Variants in NSUN7 observed in about 807,000 individuals in gnomAD.
The protein encoded by NSUN7 is protein NSUN7.
In NSUN7, 39 loss-of-function variants were observed where a neutral mutation model predicts 58.5. The ratio of observed to expected loss-of-function variants is 0.67; its 90% confidence interval spans 0.52 to 0.87. The LOEUF (loss-of-function observed/expected upper bound fraction) is 0.87, where lower values mean the gene tolerates loss of function less well. NSUN7 is among the 40% of genes least tolerant of loss of function. NSUN7 has a pLI of 0.00. For missense variants in NSUN7, 765 were observed against 844.1 expected, an observed-to-expected ratio of 0.91 and a Z score of 1.16; for synonymous variants, 278 against 303.7, an observed-to-expected ratio of 0.92 and a Z score of 0.88.
intron 6 of NSUN7, 22 bp from the exon 7 acceptor site, chr4:40,776,027 T>G (rs1378281302): frequency 1.4e-6 from 2 of 1,474,264 alleles, no homozygotes; most frequent in South Asian, 2.4e-5. Context: ...TTTGAAATTC[T>G]AATCATACCA....
chr4:40,805,536 CCTAT>C (rs1394490549), intron 10 of NSUN7, among the ~76,000 whole-genome samples: 1 of 152,184 alleles, frequency 6.6e-6, no homozygotes, highest in African/African-American at 2.4e-5. Context: ...AGATAATATC[CCTAT>C]CTTCGGGGTA....
intron 7 of NSUN7, among the ~76,000 whole-genome samples, chr4:40,788,265 G>A (rs989413745): frequency 6.6e-6 from 1 of 152,186 alleles, no homozygotes; most frequent in African/African-American, 2.4e-5. Context: ...GGAGTTCAGG[G>A]GAGAAGTCTA....
chr4:40,778,308 G>C (rs891371594), intron 7 of NSUN7, among the ~76,000 whole-genome samples: 2 of 152,244 alleles, frequency 1.3e-5, no homozygotes, highest in African/African-American at 4.8e-5. Flanking sequence ...AAGACATTAA[G>C]CCACAGATTC....
intron 2 of NSUN7, among the ~76,000 whole-genome samples, chr4:40,753,541 GATCT>G (rs1740942896): frequency 6.6e-6 from 1 of 152,116 alleles, no homozygotes; most frequent in African/African-American, 2.4e-5. Flanking sequence ...AAAGTGCTGT[GATCT>G]TTCTTAATGA....
At chr4:40,752,835 T>TGTATGA (rs1740906779) in intron 2 of NSUN7, among the ~76,000 whole-genome samples, 1 of 7,734 alleles carries the variant, frequency 1.3e-4, no homozygotes. Flanking sequence ...TCTTTGTTTT[T>TGTATGA]TGTTTCTTTG....
chr4:40,801,412 T>C (rs1269911497), intron 10 of NSUN7, among the ~76,000 whole-genome samples: 2 of 152,142 alleles, frequency 1.3e-5, no homozygotes, highest in Non-Finnish European at 2.9e-5. Flanking sequence ...TAATTTTAAA[T>C]TGTTATAGTT....
At chr4:40,755,418 A>AT (rs199906089) in intron 2 of NSUN7, among the ~76,000 whole-genome samples, 14 of 151,770 alleles carry the variant, frequency 9.2e-5, no homozygotes, top group South Asian at 2.1e-4. Flanking sequence ...AAACCTGGCA[A>AT]TTTTTTTTTA....
intron 8 of NSUN7, among the ~76,000 whole-genome samples, chr4:40,792,709 G>C (rs567762416): frequency 1.4e-4 from 22 of 151,820 alleles, no homozygotes; most frequent in Admixed American, 1.1e-3. Context: ...CCGAGATCGC[G>C]CCACTGCACT....
chr4:40,765,220 C>A, intron 4 of NSUN7, among the ~76,000 whole-genome samples: 1 of 78,252 alleles, frequency 1.3e-5, no homozygotes, highest in Non-Finnish European at 2.7e-5. Context: ...TTAGGTCTAA[C>A]GTTTAAGTCT....
intron 4 of NSUN7, among the ~76,000 whole-genome samples, chr4:40,768,012 G>A (rs1741818379): frequency 6.6e-6 from 1 of 152,006 alleles, no homozygotes; most frequent in Non-Finnish European, 1.5e-5. Flanking sequence ...TGCAGGTCAG[G>A]TGCAGTCTCT....
intron 10 of NSUN7, among the ~76,000 whole-genome samples, chr4:40,804,220 A>C (rs1743722760): frequency 6.6e-6 from 1 of 151,956 alleles, no homozygotes; most frequent in Admixed American, 6.6e-5. Flanking sequence ...TGGGCGGATC[A>C]CCTAAGGTCA....
rs752891687 is a variant in NSUN7 at position 40,790,660 on chromosome 4, GAAAGTT to G, written c.1101_1106del (p.Lys368_Val369del). The G allele has an allele frequency of 6.2e-7, 1 of 1,600,290 alleles. No individual in the cohort carries two copies. Among genetic ancestry groups the G allele is most frequent in the South Asian group, 1.1e-5 (1 of 88,800 alleles). On this transcript the variant is annotated inframe_deletion, in exon 8 of 12. Coordinates refer to ENST00000381782, the MANE Select transcript of NSUN7 (RefSeq NM_024677.6). ...TTGAATCAAAGGATCACAGGTTACAGAAAGTTAAAGTGATTTTGCTGCTACCTCGTT... is the reference window on the plus strand; with the variant it reads ...TTGAATCAAAGGATCACAGGTTACAGAAAGTGATTTTGCTGCTACCTCGTT...
intron 9 of NSUN7, among the ~76,000 whole-genome samples, chr4:40,798,016 C>T (rs2154289033): frequency 6.6e-6 from 1 of 152,332 alleles, no homozygotes; most frequent in South Asian, 2.1e-4. Flanking sequence ...GGTTCCTTAT[C>T]TCCATCTAGT....
chr4:40,777,189 TA>T (rs1742311425), intron 7 of NSUN7, among the ~76,000 whole-genome samples: 1 of 152,172 alleles, frequency 6.6e-6, no homozygotes, highest in Non-Finnish European at 1.5e-5. Context: ...CCAGTCATCT[TA>T]ATTCCCAATT....
At chr4:40,780,350 T>A (rs912003917) in intron 7 of NSUN7, among the ~76,000 whole-genome samples, 1 of 152,042 alleles carries the variant, frequency 6.6e-6, no homozygotes, top group African/African-American at 2.4e-5. Flanking sequence ...TTCCTGTAAT[T>A]CCATTCCAGC....
rs1744033520 is a variant in NSUN7 at position 40,809,049 on chromosome 4, C to T, written c.*110C>T. On this transcript the variant is annotated 3_prime_UTR_variant, in exon 12 of 12. Transcript: ENST00000381782. The stretch of plus-strand genomic sequence containing the variant: ...ACAAGATATTCATTCTTTTGGTCAC[C>T]TAGGGATCTTCTAAGTGTGATATTA... 1 of 1,132,660 alleles carries T rather than the reference C, an allele frequency of 8.8e-7. No individual in the cohort carries two copies. Among genetic ancestry groups the T allele is most frequent in the African/African-American group, 1.6e-5 (1 of 63,682 alleles). The allele number at this position is 1,132,660 out of a possible 1,614,324, so 70.2% of individuals were successfully genotyped here.
intron 7 of NSUN7, among the ~76,000 whole-genome samples, chr4:40,785,420 C>T (rs1401657397): frequency 2.6e-5 from 4 of 151,638 alleles, no homozygotes; most frequent in Non-Finnish European, 5.9e-5. Context: ...AGTGCAATGG[C>T]GTGATCTTGG....
Position 40,798,796 on chromosome 4 carries a change from C to T in NSUN7, c.1292C>T (p.Ala431Val). 1 of 1,596,000 alleles carries T rather than the reference C, an allele frequency of 6.3e-7. No individual in the cohort carries two copies. The highest frequency in any genetic ancestry group is 8.6e-7 in the Non-Finnish European group (1 of 1,165,790). ...QLTHAMKFTK[A>V]QAVVYCTCSV... ...TCTTCTTCTAATATAGTTACTAAAG[C>T]TCAAGCAGTTGTTTACTGCACATGT... Residue 431 changes from alanine to valine, a missense_variant, in exon 10 of 12, where the codon GCT (alanine) becomes GTT (valine). Transcript: ENST00000381782.
chr4:40,790,364 G>A (rs956267332), intron 7 of NSUN7, among the ~76,000 whole-genome samples: 2 of 152,140 alleles, frequency 1.3e-5, no homozygotes, highest in Admixed American at 6.6e-5. Context: ...TTCAGAATGA[G>A]AATTTAATTT....
Sources: gnomAD v4.1 joint callset for allele counts (sites outside exome capture counted in the v4.1 genomes callset) on GRCh38, gnomAD v4.1.1 for gene constraint, MANE v1.5 for transcripts, NCBI Gene and HGNC (gene_info 2026-07-23, HGNC 2026-07-21) for gene names.